The following KIAA1671 variants were observed in gnomAD, a reference collection of about 807,000 sequenced individuals.
KIAA1671 encodes KIAA1671.
Under a neutral mutation model 131.2 loss-of-function variants are expected in KIAA1671, and 52 were observed. The ratio of observed to expected loss-of-function variants is 0.40; its 90% CI spans 0.32 to 0.50. The LOEUF is 0.50. Ranked by LOEUF, KIAA1671 falls within the 20% of genes least tolerant of loss-of-function variation. KIAA1671 has a pLI of 0.73. For synonymous variants in KIAA1671, 1,003 were observed against 961.6 expected, an observed-to-expected ratio of 1.04 and a Z score of -0.80; for missense variants, 2,360 against 2,364.2, an observed-to-expected ratio of 1.00 and a Z score of 0.04.
intron 6 of KIAA1671, among the ~76,000 whole-genome samples, chr22:25,122,785 T>C (rs977951254): frequency 2.6e-5 from 4 of 152,076 alleles, no homozygotes; most frequent in Non-Finnish European, 5.9e-5. Context: ...CCATCCTGGC[T>C]AACATGGTGA....
chr22:25,146,347 A>G (rs1415506682), intron 6 of KIAA1671, among the ~76,000 whole-genome samples: 2 of 152,162 alleles, frequency 1.3e-5, no homozygotes, highest in Non-Finnish European at 2.9e-5. Flanking sequence ...AAGTCGCTCA[A>G]ACAAATCCCT....
rs531185982 is a variant in KIAA1671 at position 24,966,707 on chromosome 22, C to T, written c.-208+13935C>T. 2.6e-5 allele frequency among the ~76,000 whole-genome samples: 4 copies of T among 152,234 alleles called. No individual in the cohort carries two copies. In the South Asian group the frequency reaches 8.3e-4, roughly 32 times the overall value. ...GTGGCTCATGCCTGTAATCTTAGTG[C>T]TTTGGGAGGCCGAGGTGGAAGGATT... On this transcript the variant is annotated intron_variant, in intron 1 of 12. Transcript: ENST00000358431.
intron 1 of KIAA1671, among the ~76,000 whole-genome samples, chr22:24,978,536 A>T (rs2103587): frequency 2.6e-5 from 4 of 151,966 alleles, no homozygotes; most frequent in Non-Finnish European, 5.9e-5. Context: ...AGTAACTTCA[A>T]GGCTACCTAG....
intron 1 of KIAA1671, among the ~76,000 whole-genome samples, chr22:24,994,056 A>C (rs569899726): frequency 6.6e-5 from 10 of 152,094 alleles, no homozygotes; most frequent in Admixed American, 3.3e-4. Context: ...ACTCCAACCT[A>C]GGCAACAAGA....
intron 1 of KIAA1671, among the ~76,000 whole-genome samples, chr22:24,997,129 A>T (rs1924180432): frequency 1.3e-5 from 2 of 152,192 alleles, no homozygotes; most frequent in East Asian, 1.9e-4. Context: ...CCAGGCAAGG[A>T]TCTCTACGAC....
intron 1 of KIAA1671, among the ~76,000 whole-genome samples, chr22:24,989,822 G>A (rs989219958): frequency 1.5e-4 from 23 of 152,056 alleles, no homozygotes; most frequent in African/African-American, 5.3e-4. Context: ...ATGTCCGCCC[G>A]GCAAAGGGAC....
In KIAA1671 at chr22:25,177,463, A is replaced by G. The variant is rs749638538; in HGVS notation, c.5015A>G (p.Glu1672Gly). The change falls in exon 9 of 13, where the codon GAG becomes GGG. Residue 1672 changes from glutamate (E) to glycine (G), a missense_variant. Coordinates refer to ENST00000358431, the MANE Select transcript of KIAA1671 (RefSeq NM_001145206.2). ...SLRRSRFSES[E>G]SRSPLEDETD... Reference sequence around the variant, plus strand: ...CGGCGCAGCCGATTTAGTGAGTCCGAGAGCAGATCACCTTTGGAGGATGAG... The same window carrying G: ...CGGCGCAGCCGATTTAGTGAGTCCGGGAGCAGATCACCTTTGGAGGATGAG... 14 of 1,551,622 alleles carry G rather than the reference A, an allele frequency of 9.0e-6. No individual in the cohort carries two copies. The highest frequency in any genetic ancestry group is 2.0e-5 in the Admixed American group (1 of 50,986).
At chr22:25,109,494 C>A (rs982565504) in intron 6 of KIAA1671, among the ~76,000 whole-genome samples, 1 of 152,152 alleles carries the variant, frequency 6.6e-6, no homozygotes, top group Non-Finnish European at 1.5e-5. Context: ...AACCTTGATT[C>A]GTTGTGGGAG....
chr22:24,963,329 A>G (rs568576535), intron 1 of KIAA1671, among the ~76,000 whole-genome samples: 2 of 140,162 alleles, frequency 1.4e-5, no homozygotes, highest in African/African-American at 5.5e-5. Flanking sequence ...ACGCCACTGC[A>G]CTCCAGCCTG....
At position 25,029,224 on chromosome 22, in the gene KIAA1671, A is replaced by C; in HGVS notation, c.1225A>C (p.Arg409=). The C allele has an allele frequency of 6.8e-7, 1 of 1,461,774 alleles. No homozygotes were observed. Among genetic ancestry groups the C allele is most frequent in the Non-Finnish European group, 9.1e-7 (1 of 1,103,222 alleles). The allele number at this position is 1,461,774 out of a possible 1,614,324, so 90.6% of individuals were successfully genotyped here. ...AAESPSPRLG[R]GLELAEVKSR... ...TGAGTCCCCCTCACCCAGGCTGGGA[A>C]GGGGCCTAGAACTTGCTGAGGTTAA... Residue 409 remains arginine (R), a synonymous_variant, in exon 3 of 13, where the codon AGG becomes CGG. Coordinates refer to ENST00000358431, the MANE Select transcript of KIAA1671 (RefSeq NM_001145206.2).
chr22:25,175,063 C>G (rs1314886687), intron 8 of KIAA1671: 2 of 152,418 alleles, frequency 1.3e-5, no homozygotes, highest in African/African-American at 4.8e-5. Flanking sequence ...TTTCAGGTCC[C>G]AAGCACAGCC....
In KIAA1671 at chr22:25,093,838, GTCTCTCTC is replaced by G. The variant is rs56200570; in HGVS notation, c.4530+44515_4530+44522del. ...TCTCTCTCTCTTTCTCTCTCTGTCT[GTCTCTCTC>G]TCTCTCTCTCTCTCTCTCTCTCTCT... On this transcript the variant is annotated intron_variant, in intron 6 of 12. Transcript: ENST00000358431. Among the ~76,000 whole-genome samples, 67 of 19,636 alleles carry G rather than the reference GTCTCTCTC, an allele frequency of 3.4e-3. 1 individual carries two copies. The highest frequency in any genetic ancestry group is 0.016 in the South Asian group (9 of 552). The allele number at this position is 19,636 out of a possible 152,430, so 12.9% of individuals were successfully genotyped here.
chr22:25,103,724 C>T (rs73159925), intron 6 of KIAA1671, among the ~76,000 whole-genome samples: 6,796 of 152,200 alleles, frequency 0.045, 217 homozygotes, highest in Non-Finnish European at 0.067. Context: ...AAATGCCTGA[C>T]CTTGTGATCC....
chr22:25,185,275 C>G, intron 11 of KIAA1671, 156 bp downstream of exon 11: 1 of 847,260 alleles, frequency 1.2e-6, no homozygotes. Context: ...ATTCTCAATA[C>G]TCAGATACCT....
intron 6 of KIAA1671, among the ~76,000 whole-genome samples, chr22:25,117,686 A>G (rs1188815995): frequency 6.6e-6 from 1 of 151,848 alleles, no homozygotes; most frequent in East Asian, 1.9e-4. Flanking sequence ...AAGGATGTAT[A>G]GAACTCCTGC....
chr22:25,039,662 C>T lies in KIAA1671; in HGVS notation c.2532C>T (p.Pro844=), dbSNP rs1039592692. ...TVAVSEEHCA[P]GATSVRAIKA... is the part of the protein sequence containing the mutation. Reference sequence around the variant, plus strand: ...CAGTCAGCGAAGAGCACTGTGCTCCCGGGGCCACCTCCGTCAGGGCTATCA... The same window carrying T: ...CAGTCAGCGAAGAGCACTGTGCTCCTGGGGCCACCTCCGTCAGGGCTATCA... The change falls in exon 5 of 13, where the codon CCC becomes CCT. Residue 844 remains proline, a synonymous_variant. Transcript: ENST00000358431. 1,226 of 1,535,296 alleles carry T rather than the reference C, an allele frequency of 8.0e-4. 10 individuals are homozygous for T. The African/African-American group carries it at 0.014, about 18-fold the overall frequency.
chr22:25,121,700 T>C (rs979498898), intron 6 of KIAA1671, among the ~76,000 whole-genome samples: 1 of 152,178 alleles, frequency 6.6e-6, no homozygotes, highest in African/African-American at 2.4e-5. Flanking sequence ...GGCAGTAGAT[T>C]ACTGTTCTTT....
intron 1 of KIAA1671, among the ~76,000 whole-genome samples, chr22:24,980,196 G>A (rs1257048051): frequency 6.7e-6 from 1 of 149,950 alleles, no homozygotes. Flanking sequence ...TGCTTGACTT[G>A]TTTCCACGTT....
At chr22:25,183,536 CTTT>C (rs1041350191) in intron 10 of KIAA1671, among the ~76,000 whole-genome samples, 1 of 135,632 alleles carries the variant, frequency 7.4e-6, no homozygotes, top group East Asian at 2.4e-4. Flanking sequence ...CTTCCTTCTT[CTTT>C]TTTTGTTTTT....
Sources: gnomAD v4.1 joint callset for allele counts (sites outside exome capture counted in the v4.1 genomes callset) on GRCh38, gnomAD v4.1.1 for gene constraint, MANE v1.5 for transcripts, NCBI Gene and HGNC (gene_info 2026-07-23, HGNC 2026-07-21) for gene names.